DYDC1: variants seen among roughly 807,000 people sequenced by gnomAD.
DYDC1 encodes the protein DPY30 domain containing 1.
DYDC1 carries 21 observed loss-of-function variants against 27.9 expected under a neutral mutation model. The ratio of observed to expected loss-of-function variants is 0.75; its 90% CI spans 0.53 to 1.08. The LOEUF is 1.08. DYDC1 is among the 50% of genes least tolerant of loss of function. The probability of loss-of-function intolerance (pLI) is 0.00; values close to 1 mark genes in which losing one functional copy is unlikely to be tolerated. For missense variants in DYDC1, 202 were observed against 205.9 expected (o/e 0.98, Z 0.12); for synonymous variants, 67 against 65.8 (o/e 1.02, Z -0.09).
intron 3 of DYDC1, among the ~76,000 whole-genome samples, chr10:80,347,004 C>T (rs1195347712): frequency 6.6e-6 from 1 of 151,814 alleles, no homozygotes; most frequent in African/African-American, 2.4e-5. Context: ...CGCTTGAACC[C>T]AGGGAGCAGA....
At chr10:80,345,784 A>G (rs1000545992) in intron 3 of DYDC1, among the ~76,000 whole-genome samples, 3 of 152,220 alleles carry the variant, frequency 2.0e-5, no homozygotes, top group Non-Finnish European at 2.9e-5. Context: ...TTAAAGCTGA[A>G]TAATATTCTT....
In DYDC1 at chr10:80,344,298, T is replaced by C. The variant is rs949496052; in HGVS notation, c.250-1937A>G. ...GTTTTATTTCAGTGGCCAAAAAAAA[T>C]GTGTCCAGGAAAAAACAAACTTGTC... On this transcript the variant is annotated intron_variant, in intron 3 of 6. Transcript: ENST00000372202. 5.3e-5 allele frequency among the ~76,000 whole-genome samples: 8 copies of C among 152,196 alleles called. 1 individual carries two copies. Among genetic ancestry groups the C allele is most frequent in the Admixed American group, 3.9e-4 (6 of 15,278 alleles).
intron 1 of DYDC1, among the ~76,000 whole-genome samples, chr10:80,354,143 TA>T (rs1843195522): frequency 2.0e-5 from 3 of 148,712 alleles, no homozygotes; most frequent in African/African-American, 7.4e-5. Flanking sequence ...TATATATATA[TA>T]TTTTTTCCTG....
intron 3 of DYDC1, among the ~76,000 whole-genome samples, chr10:80,343,819 GC>G (rs1842450365): frequency 6.6e-6 from 1 of 151,770 alleles, no homozygotes; most frequent in Non-Finnish European, 1.5e-5. Context: ...GAGCACAAAG[GC>G]CAAAAAAAAT....
At chr10:80,342,125 G>T in intron 4 of DYDC1, 144 bp downstream of exon 4, 1 of 679,394 alleles carries the variant, frequency 1.5e-6, no homozygotes, top group Non-Finnish European at 2.4e-6. Context: ...AAAAGGTTAT[G>T]AGACTTGTTT....
Position 80,345,467 on chromosome 10 carries a change from C to T in DYDC1, c.250-3106G>A, listed in dbSNP as rs116345597. Among the ~76,000 whole-genome samples, 870 of 152,228 alleles carry T rather than the reference C, an allele frequency of 5.7e-3. 8 individuals are homozygous for T. Among genetic ancestry groups the T allele is most frequent in the African/African-American group, 0.02 (834 of 41,534 alleles). On this transcript the variant is annotated intron_variant, in intron 3 of 6. Coordinates refer to ENST00000372202, the MANE Select transcript of DYDC1 (RefSeq NM_001269053.2). The stretch of plus-strand genomic sequence containing the variant: ...CTACTCTCTTAAAAATTTTCCAGTA[C>T]ACAATACAATCTTATTGGCTATCAT...
Position 80,352,553 on chromosome 10 carries a change from C to CTTGA in DYDC1, c.45_48dup (p.Gly17SerfsTer26), listed in dbSNP as rs774702387. The CTTGA allele has an allele frequency of 1.9e-6, 3 of 1,613,474 alleles. No individual in the cohort carries two copies. The highest frequency in any genetic ancestry group is 2.5e-6 in the Non-Finnish European group (3 of 1,179,774). Reference sequence around the variant, plus strand: ...CGAACTCTTGCCACTTCTGCAAGACCTTGAGTTAAACAGGCCCCAAGGTGC... The same window carrying CTTGA: ...CGAACTCTTGCCACTTCTGCAAGACCTTGATTGAGTTAAACAGGCCCCAAGGTGC... On this transcript the variant is annotated frameshift_variant, in exon 2 of 7. Coordinates refer to ENST00000372202, the MANE Select transcript of DYDC1 (RefSeq NM_001269053.2). LOFTEE classifies it high-confidence loss of function.
At chr10:80,339,036 G>A in intron 5 of DYDC1, 61 bp downstream of exon 5, 1 of 944,450 alleles carries the variant, frequency 1.1e-6, no homozygotes, top group Non-Finnish European at 1.5e-6. Context: ...TCAAAATTAA[G>A]CTTTACATTC....
At position 80,337,749 on chromosome 10, in the gene DYDC1, C is replaced by T. The variant is rs146017713; in HGVS notation, c.504+718G>A. Among the ~76,000 whole-genome samples the T allele has an allele frequency of 7.9e-3, 1,196 of 152,264 alleles. 17 individuals are homozygous for T. Among genetic ancestry groups the T allele is most frequent in the African/African-American group, 0.027 (1,134 of 41,542 alleles). ...AGCCTCCCATGCCACCAGTGAGTAG[C>T]AAATCATTAGCTTCCTTCCCTGACT... On this transcript the variant is annotated intron_variant, in intron 6 of 6. Transcript: ENST00000372202.
intron 3 of DYDC1, among the ~76,000 whole-genome samples, chr10:80,346,298 A>G (rs569601740): frequency 6.6e-6 from 1 of 152,254 alleles, no homozygotes; most frequent in African/African-American, 2.4e-5. Context: ...TGAGAAGAGG[A>G]ATTACTGGGT....
chr10:80,356,620 G>T, intron 1 of DYDC1, 92 bp downstream of exon 1: 2 of 985,522 alleles, frequency 2.0e-6, no homozygotes, highest in Non-Finnish European at 2.4e-6. Flanking sequence ...GACGCCCAAG[G>T]CCCAACGGTC....
intron 3 of DYDC1, among the ~76,000 whole-genome samples, chr10:80,350,486 A>C (rs1018124460): frequency 1.3e-5 from 2 of 152,172 alleles, no homozygotes; most frequent in Non-Finnish European, 2.9e-5. Flanking sequence ...TTTGGATGAC[A>C]GTTGACACCC....
chr10:80,338,414 A>C, intron 6 of DYDC1, 53 bp downstream of exon 6: 3 of 1,600,502 alleles, frequency 1.9e-6, no homozygotes, highest in Non-Finnish European at 2.6e-6. Flanking sequence ...AAGTAAAAAA[A>C]ATCAAAAACA....
At chr10:80,350,655 G>T (rs1163394486) in intron 3 of DYDC1, among the ~76,000 whole-genome samples, 1 of 152,124 alleles carries the variant, frequency 6.6e-6, no homozygotes, top group Non-Finnish European at 1.5e-5. Context: ...CTATTTGCCA[G>T]GTCTATATTT....
At chr10:80,346,861 G>A (rs893345139) in intron 3 of DYDC1, among the ~76,000 whole-genome samples, 1 of 151,786 alleles carries the variant, frequency 6.6e-6, no homozygotes, top group Non-Finnish European at 1.5e-5. Context: ...GATCACCTGA[G>A]GTCAGGAGTT....
chr10:80,350,631 G>T (rs949197929), intron 3 of DYDC1, among the ~76,000 whole-genome samples: 2 of 152,210 alleles, frequency 1.3e-5, no homozygotes, highest in African/African-American at 4.8e-5. Flanking sequence ...GGGATAGGAG[G>T]TTAGTCAGAG....
rs1408051744 is a variant in DYDC1 at position 80,336,123 on chromosome 10, C to T, written c.*33G>A. The T allele has an allele frequency of 7.3e-7, 1 of 1,376,712 alleles. No individual in the cohort carries two copies. Among genetic ancestry groups the T allele is most frequent in the African/African-American group, 1.5e-5 (1 of 67,702 alleles). The allele number at this position is 1,376,712 out of a possible 1,614,324, so 85.3% of individuals were successfully genotyped here. A position where few individuals can be genotyped will look rare whatever the true frequency, so the allele number is the denominator to read the frequency against. ...CTCATGGTTTGAAATTTGAAACAAA[C>T]AAAAACATTTATTGCTCTTAGGTTG... is the stretch of plus-strand genomic sequence containing the variant. On this transcript the variant is annotated 3_prime_UTR_variant, in exon 7 of 7. Transcript: ENST00000372202.
intron 3 of DYDC1, among the ~76,000 whole-genome samples, chr10:80,349,745 A>T (rs1842878788): frequency 6.6e-6 from 1 of 152,204 alleles, no homozygotes; most frequent in African/African-American, 2.4e-5. Flanking sequence ...GCTTCTTGAC[A>T]TTTTCAAGAA....
At chr10:80,352,083 G>T in intron 2 of DYDC1, 81 bp from the exon 3 acceptor site, 1 of 1,265,852 alleles carries the variant, frequency 7.9e-7, no homozygotes, top group Non-Finnish European at 1.1e-6. Context: ...GCACTTAATA[G>T]GAACAATTAG....
Sources: gnomAD v4.1 joint callset for allele counts (sites outside exome capture counted in the v4.1 genomes callset) on GRCh38, gnomAD v4.1.1 for gene constraint, MANE v1.5 for transcripts, NCBI Gene and HGNC (gene_info 2026-07-23, HGNC 2026-07-21) for gene names.